NDEL1: variants seen among roughly 807,000 people sequenced by gnomAD.
The protein encoded by NDEL1 is nudE neurodevelopment protein 1 like 1.
NDEL1 carries 9 observed loss-of-function variants against 45.7 expected under a neutral mutation model. That is an observed-to-expected ratio of 0.20 (90% confidence interval 0.12 to 0.34). The LOEUF (loss-of-function observed/expected upper bound fraction) is 0.34, where lower values mean the gene tolerates loss of function less well. NDEL1 is among the 10% of genes least tolerant of loss of function. NDEL1 has a pLI of 1.00. For synonymous variants in NDEL1, 133 were observed against 158.6 expected (o/e 0.84, Z 1.21); for missense variants, 306 against 406.2 (o/e 0.75, Z 2.12).
intron 1 of NDEL1, among the ~76,000 whole-genome samples, chr17:8,420,951 A>G (rs1352387935): frequency 4.6e-5 from 7 of 152,206 alleles, no homozygotes; most frequent in African/African-American, 1.7e-4. Context: ...AGGCTGGACT[A>G]TATTTTTATT....
chr17:8,473,151 G>A (rs898319185), downstream of NDEL1, among the ~76,000 whole-genome samples: 2 of 152,128 alleles, frequency 1.3e-5, no homozygotes, highest in African/African-American at 4.8e-5. Context: ...GGGAAACTGT[G>A]ACGTGAACAC....
intron 1 of NDEL1, among the ~76,000 whole-genome samples, chr17:8,427,353 A>C (rs1277474298): frequency 6.6e-6 from 1 of 152,098 alleles, no homozygotes; most frequent in Non-Finnish European, 1.5e-5. Context: ...TGGGTCAGGG[A>C]CCGAACCATA....
At chr17:8,419,009 T>C (rs200006403) in intron 1 of NDEL1, among the ~76,000 whole-genome samples, 11 of 151,820 alleles carry the variant, frequency 7.2e-5, no homozygotes. Context: ...CCACCATGCC[T>C]GGCTATTTTT....
chr17:8,447,982 C>CGG (rs34891973), intron 4 of NDEL1, among the ~76,000 whole-genome samples: 31 of 107,792 alleles, frequency 2.9e-4, no homozygotes, highest in African/African-American at 7.8e-4. Flanking sequence ...GGGAGGTGGG[C>CGG]GGGGGGGGGG....
At chr17:8,414,605 G>T (rs1376861045) in intron 1 of NDEL1, among the ~76,000 whole-genome samples, 12 of 152,276 alleles carry the variant, frequency 7.9e-5, no homozygotes, top group African/African-American at 2.6e-4. Context: ...AGGCGGAGCT[G>T]GCAGTGAGCT....
chr17:8,472,060 T>C (rs1278640262), downstream of NDEL1, among the ~76,000 whole-genome samples: 1 of 152,170 alleles, frequency 6.6e-6, no homozygotes, highest in Non-Finnish European at 1.5e-5. Context: ...CTGGCTTTTT[T>C]CTTTTTTTGG....
intron 4 of NDEL1, among the ~76,000 whole-genome samples, chr17:8,447,982 C>CGGTGGGGGGGGGGGGGGG (rs1910197536): frequency 9.3e-6 from 1 of 107,702 alleles, no homozygotes; most frequent in African/African-American, 3.6e-5. Context: ...GGGAGGTGGG[C>CGGTGGGGGGGGGGGGGGG]GGGGGGGGGG....
chr17:8,464,663 C>T (rs1211537993), intron 8 of NDEL1: 1 of 152,286 alleles, frequency 6.6e-6, no homozygotes, highest in Non-Finnish European at 1.5e-5. Flanking sequence ...TTACTTTTCC[C>T]ATTAGAGCCG....
intron 6 of NDEL1, among the ~76,000 whole-genome samples, chr17:8,452,037 C>G (rs373430555): frequency 6.6e-6 from 1 of 152,078 alleles, no homozygotes; most frequent in Non-Finnish European, 1.5e-5. Context: ...TGCCTTGTTA[C>G]GAGATGATAT....
intron 1 of NDEL1, among the ~76,000 whole-genome samples, chr17:8,423,404 C>T (rs1207814891): frequency 5.9e-5 from 9 of 151,716 alleles, no homozygotes; most frequent in African/African-American, 2.2e-4. Flanking sequence ...GAAGTGTAGT[C>T]CGGGTGTGGT....
chr17:8,451,122 A>G (rs1910479723), intron 6 of NDEL1, among the ~76,000 whole-genome samples, 169 bp downstream of exon 6: 1 of 152,230 alleles, frequency 6.6e-6, no homozygotes, highest in African/African-American at 2.4e-5. Context: ...CCACTAATAT[A>G]TAGGAAACAG....
At chr17:8,420,753 G>A (rs542432196) in intron 1 of NDEL1, among the ~76,000 whole-genome samples, 1 of 152,330 alleles carries the variant, frequency 6.6e-6, no homozygotes, top group South Asian at 2.1e-4. Flanking sequence ...GAGTGTAAGA[G>A]AAGGAGAACC....
chr17:8,452,736 T>TTA (rs1910590555), intron 6 of NDEL1, among the ~76,000 whole-genome samples: 1 of 61,762 alleles, frequency 1.6e-5, no homozygotes, highest in Non-Finnish European at 3.3e-5. Context: ...TTTCTTTTTC[T>TTA]TCTCTTTTTT....
chr17:8,463,329 A>C (rs746460399), intron 8 of NDEL1: 1 of 1,612,708 alleles, frequency 6.2e-7, no homozygotes. Context: ...GGCAAGAAAA[A>C]GTCATATTTC....
chr17:8,418,764 C>G (rs1597510971), intron 1 of NDEL1, among the ~76,000 whole-genome samples: 1 of 147,890 alleles, frequency 6.8e-6, no homozygotes, highest in South Asian at 2.2e-4. Context: ...TCCTTCCCTC[C>G]CTCCCTCCCT....
intron 1 of NDEL1, among the ~76,000 whole-genome samples, chr17:8,418,826 T>C (rs758172532): frequency 2.9e-4 from 37 of 126,220 alleles, no homozygotes; most frequent in Non-Finnish European, 5.6e-4. Flanking sequence ...TCTTCCTCTC[T>C]CTCTCTCTCT....
At chr17:8,437,073 T>C (rs1288336625) in intron 1 of NDEL1, among the ~76,000 whole-genome samples, 1 of 152,212 alleles carries the variant, frequency 6.6e-6, no homozygotes, top group Admixed American at 6.5e-5. Context: ...TAAAAACGGC[T>C]GCTCAGTCAT....
chr17:8,462,541 G>T (rs533864085), intron 8 of NDEL1, among the ~76,000 whole-genome samples: 2 of 152,312 alleles, frequency 1.3e-5, no homozygotes, highest in South Asian at 4.1e-4. Context: ...AGCCGCAAAA[G>T]GAAGGGCAGG....
At chr17:8,461,244 G>A (rs1178278479) in intron 8 of NDEL1, 1 of 152,134 alleles carries the variant, frequency 6.6e-6, no homozygotes, top group Admixed American at 6.5e-5. Context: ...TTCGACACAC[G>A]GTGCACTCTG....
Sources: allele counts gnomAD v4.1 joint callset (sites outside exome capture counted in the v4.1 genomes callset), GRCh38; gene constraint gnomAD v4.1.1; transcripts MANE v1.5; gene names NCBI Gene and HGNC (gene_info 2026-07-23, HGNC 2026-07-21).